The following SLCO3A1 variants were observed in gnomAD, a reference collection of about 807,000 sequenced individuals.
The protein encoded by SLCO3A1 is solute carrier organic anion transporter family member 3A1.
SLCO3A1 carries 27 observed loss-of-function variants against 63.1 expected under a neutral mutation model. That is an observed-to-expected ratio of 0.43 (90% CI 0.32 to 0.59). The LOEUF is 0.59. SLCO3A1 is among the 20% of genes least tolerant of loss of function. The pLI is 0.09. For synonymous variants in SLCO3A1, 473 were observed against 409.9 expected (o/e 1.15, Z -1.86); for missense variants, 773 against 945.8 (o/e 0.82, Z 2.40).
chr15:92,151,735 T>C (rs2048308641), intron 9 of SLCO3A1, among the ~76,000 whole-genome samples: 1 of 152,238 alleles, frequency 6.6e-6, no homozygotes, highest in Non-Finnish European at 1.5e-5. Context: ...AGATAACTTT[T>C]TTCCTTGAAT....
At chr15:91,909,628 T>G (rs2151375570) in intron 1 of SLCO3A1, among the ~76,000 whole-genome samples, 1 of 152,288 alleles carries the variant, frequency 6.6e-6, no homozygotes, top group Non-Finnish European at 1.5e-5. Context: ...CTCAGTTCTG[T>G]CACATCTGCC....
chr15:91,957,953 G>A (rs964030093), intron 2 of SLCO3A1, among the ~76,000 whole-genome samples: 3 of 152,156 alleles, frequency 2.0e-5, no homozygotes, highest in African/African-American at 7.2e-5. Context: ...GAAAGGGAAC[G>A]ACTGAGTCTC....
In SLCO3A1 at chr15:92,154,893, T is replaced by C. The variant is rs368324556; in HGVS notation, c.1753+3879T>C. Among the ~76,000 whole-genome samples, 123 of 152,166 alleles carry C rather than the reference T, an allele frequency of 8.1e-4. No individual in the cohort carries two copies. The Middle Eastern group carries it at 0.014, about 17-fold the overall frequency. The stretch of plus-strand genomic sequence containing the variant: ...TGTAAAAACTAGTTGTAATAAATAA[T>C]GGAAAAAGAACTGGAGGATGTGGCC... On this transcript the variant is annotated intron_variant, in intron 9 of 9. Transcript: ENST00000318445.
intron 1 of SLCO3A1, among the ~76,000 whole-genome samples, chr15:91,871,765 G>GTTTTTTTTTTTTTT (rs33938693): frequency 1.5e-4 from 7 of 45,688 alleles, no homozygotes; most frequent in South Asian, 1.2e-3. Context: ...TTTTTTTTTG[G>GTTTTTTTTTTTTTT]TTTTTTTTTT....
chr15:91,874,093 C>T (rs1897341782), intron 1 of SLCO3A1, among the ~76,000 whole-genome samples: 1 of 152,094 alleles, frequency 6.6e-6, no homozygotes, highest in Non-Finnish European at 1.5e-5. Context: ...ATGGTTTTTC[C>T]TATATGTATA....
downstream of SLCO3A1, among the ~76,000 whole-genome samples, chr15:92,169,485 G>C (rs569434389): frequency 1.9e-3 from 288 of 152,344 alleles, no homozygotes; most frequent in African/African-American, 6.7e-3. Flanking sequence ...TGGCAGCTGG[G>C]CTCTGGGGCT....
intron 2 of SLCO3A1, among the ~76,000 whole-genome samples, chr15:91,957,116 A>AATATATAGTATATATG: frequency 8.4e-5 from 1 of 11,880 alleles, no homozygotes; most frequent in Non-Finnish European, 1.1e-4. Context: ...ATATATATAT[A>AATATATAGTATATATG]ATATATATAA....
At chr15:91,921,805 C>A (rs1898855177) in intron 2 of SLCO3A1, among the ~76,000 whole-genome samples, 1 of 151,962 alleles carries the variant, frequency 6.6e-6, no homozygotes, top group Non-Finnish European at 1.5e-5. Flanking sequence ...TCTTGGCTCA[C>A]TGCTGCCTCT....
At chr15:92,042,589 C>T (rs1405554684) in intron 2 of SLCO3A1, among the ~76,000 whole-genome samples, 3 of 152,126 alleles carry the variant, frequency 2.0e-5, no homozygotes, top group East Asian at 3.9e-4. Flanking sequence ...GCATTGCCCA[C>T]GTCCTACAAA....
intron 4 of SLCO3A1, among the ~76,000 whole-genome samples, chr15:92,119,243 T>C (rs2047831881): frequency 6.6e-6 from 1 of 152,208 alleles, no homozygotes; most frequent in South Asian, 2.1e-4. Context: ...CAAAGGATTT[T>C]TAAAAAATGA....
At chr15:92,114,241 GT>G (rs1211940368) in intron 4 of SLCO3A1, among the ~76,000 whole-genome samples, 1 of 152,254 alleles carries the variant, frequency 6.6e-6, no homozygotes, top group Admixed American at 6.5e-5. Context: ...TGGTTCATAA[GT>G]TTTTTTCTGT....
At chr15:92,104,252 A>G in intron 3 of SLCO3A1, 27 bp from the exon 4 acceptor site, 1 of 1,612,298 alleles carries the variant, frequency 6.2e-7, no homozygotes, top group South Asian at 1.1e-5. Flanking sequence ...TCTTTTCTCC[A>G]CTAAGCTGTG....
chr15:91,855,359 GT>G (rs1896890990), intron 1 of SLCO3A1, among the ~76,000 whole-genome samples: 1 of 152,200 alleles, frequency 6.6e-6, no homozygotes, highest in African/African-American at 2.4e-5. Context: ...AAGTTAGGTG[GT>G]TGTGAGAGAG....
chr15:91,867,428 T>C (rs546998446), intron 1 of SLCO3A1, among the ~76,000 whole-genome samples: 30 of 152,136 alleles, frequency 2.0e-4, no homozygotes, highest in Non-Finnish European at 3.7e-4. Context: ...CACCTCTGTA[T>C]TAAACCTCTC....
intron 1 of SLCO3A1, among the ~76,000 whole-genome samples, chr15:91,871,831 A>G (rs56079643): frequency 0.09 from 11,406 of 126,880 alleles, 666 homozygotes; most frequent in Non-Finnish European, 0.13. Flanking sequence ...TTTAATTCAA[A>G]TTTAGGAAGA....
chr15:91,915,215 G>A (rs1898613991), intron 1 of SLCO3A1, among the ~76,000 whole-genome samples: 3 of 152,060 alleles, frequency 2.0e-5, no homozygotes, highest in Admixed American at 1.3e-4. Flanking sequence ...CAGGCCAGAT[G>A]TCCTCTCTCC....
intron 2 of SLCO3A1, among the ~76,000 whole-genome samples, chr15:92,024,345 C>G (rs562101719): frequency 2.7e-4 from 41 of 152,282 alleles, no homozygotes; most frequent in African/African-American, 9.6e-4. Flanking sequence ...CACTTTCATT[C>G]CCACTCCCAG....
Position 92,126,144 on chromosome 15 carries a change from G to A in SLCO3A1, c.1258G>A (p.Ala420Thr). The change falls in exon 6 of 10, where the codon GCC becomes ACC. Residue 420 changes from alanine to threonine, a missense_variant. By Grantham distance (58) the Ala-to-Thr change is moderately conservative. Around this residue, in one of 3 missense-constraint regions of SLCO3A1, gnomAD observed 565 missense variants for 749.8 expected, o/e 0.75. Transcript: ENST00000318445. ...GAAGCTCAGCCTGTCTGCCCTGGGG[G>A]CCATTCGGATGGCCATGCTCGTCAA... ...VKKLSLSALG[A>T]IRMAMLVNLV... 3 of 1,614,000 alleles carry A rather than the reference G, an allele frequency of 1.9e-6. No homozygotes were observed. Among genetic ancestry groups the A allele is most frequent in the Non-Finnish European group, 2.5e-6 (3 of 1,179,990 alleles).
chr15:92,127,850 G>T (rs938338734), intron 6 of SLCO3A1, among the ~76,000 whole-genome samples: 1 of 152,170 alleles, frequency 6.6e-6, no homozygotes, highest in African/African-American at 2.4e-5. Context: ...GACTGTAGGG[G>T]AGGAATAAAG....
Sources: gnomAD v4.1 joint callset for allele counts (sites outside exome capture counted in the v4.1 genomes callset) on GRCh38, gnomAD v4.1.1 for gene constraint, gnomAD v4.1.1 regional missense constraint, MANE v1.5 for transcripts, NCBI Gene and HGNC (gene_info 2026-07-23, HGNC 2026-07-21) for gene names.